The following RP1L1 variants were observed in gnomAD, a reference collection of about 807,000 sequenced individuals.
The protein encoded by RP1L1 is RP1 like 1, also known as retinitis pigmentosa 1-like 1 protein.
In RP1L1, 27 loss-of-function variants were observed where a neutral mutation model predicts 15.7. The observed-to-expected ratio is 1.72, with a 90% CI of 1.27 to 2.38. The LOEUF is 2.38. Among genes scored for constraint, RP1L1 ranks in the 30% most tolerant of loss-of-function variants. The pLI is 0.00. For missense variants in RP1L1, 4,798 were observed against 3,075.9 expected (o/e 1.56, Z -13.24); for synonymous variants, 1,813 against 1,276.7 (o/e 1.42, Z -8.96).
In RP1L1 at chr8:10,612,439, C is replaced by T. The variant is rs765243808; in HGVS notation, c.1659G>A (p.Gln553=). The T allele has an allele frequency of 6.2e-7, 1 of 1,612,704 alleles. No homozygotes were observed. Among genetic ancestry groups the T allele is most frequent in the Admixed American group, 1.7e-5 (1 of 60,032 alleles). Residue 553 remains glutamine, a synonymous_variant, in exon 4 of 4, where the codon CAG becomes CAA. Transcript: ENST00000382483. ...EGSSEWGGRP[Q]GCPGKARAET... The stretch of plus-strand genomic sequence containing the variant: ...CGGCCCTTGCCTTGCCTGGACAGCC[C>T]TGGGGCCGCCCACCCCATTCGCTGG...
Position 10,617,556 on chromosome 8 carries a change from T to C in RP1L1, c.610-969A>G, listed in dbSNP as rs1345679016. 2.3e-3 allele frequency among the ~76,000 whole-genome samples: 272 copies of C among 119,282 alleles called. 3 individuals carry two copies. The highest frequency in any genetic ancestry group is 8.3e-3 in the African/African-American group (249 of 29,924). 78.3% of individuals were successfully genotyped at this position (119,282 alleles called of 152,430 possible). Reference sequence around the variant, plus strand: ...TTTCTGTTTCTTTTTCTTTTTTTTTTTTTTTTTTTTTTTTTTTTGAGACGG... The same window carrying C: ...TTTCTGTTTCTTTTTCTTTTTTTTTCTTTTTTTTTTTTTTTTTTGAGACGG... On this transcript the variant is annotated intron_variant, in intron 2 of 3. Coordinates refer to ENST00000382483, the MANE Select transcript of RP1L1 (RefSeq NM_178857.6).
At position 10,608,067 on chromosome 8, in the gene RP1L1, C is replaced by T. The variant is rs771549717; in HGVS notation, c.6031G>A (p.Glu2011Lys). 6.2e-7 allele frequency: 1 copy of T among 1,603,244 alleles called. No homozygotes were observed. The highest frequency in any genetic ancestry group is 1.4e-5 in the African/African-American group (1 of 72,526). Residue 2011 changes from glutamate (E) to lysine (K), a missense_variant, in exon 4 of 4, where the codon GAG becomes AAG. Coordinates refer to ENST00000382483, the MANE Select transcript of RP1L1 (RefSeq NM_178857.6). Reference sequence around the variant, plus strand: ...TCTGGCTGGGCCTCCTCTTCTGCCTCTTGCATCTCCCCTTCAGCCTCTGGG... The same window carrying T: ...TCTGGCTGGGCCTCCTCTTCTGCCTTTTGCATCTCCCCTTCAGCCTCTGGG... ...EAPEAEGEMQ[E>K]AEEEAQPESD...
At position 10,621,589 on chromosome 8, in the gene RP1L1, G is replaced by C. The variant is rs193041818; in HGVS notation, c.609+1004C>G. 1.2e-3 allele frequency: 511 copies of C among 409,890 alleles called. 11 individuals are homozygous for C. In the East Asian group the frequency reaches 0.03, roughly 24 times the overall value. 25.4% of individuals were successfully genotyped at this position (409,890 alleles called of 1,614,324 possible). A position where few individuals can be genotyped will look rare whatever the true frequency, so the allele number is the denominator to read the frequency against. ...GATCCGCCTGCCTCAGCCTCCCAAA[G>C]TGCTGGGATTACAGGCGTGCGCCAC... is the stretch of plus-strand genomic sequence containing the variant. On this transcript the variant is annotated intron_variant, in intron 2 of 3. Coordinates refer to ENST00000382483, the MANE Select transcript of RP1L1 (RefSeq NM_178857.6).
At position 10,612,061 on chromosome 8, in the gene RP1L1, G is replaced by C. The variant is rs760621847; in HGVS notation, c.2037C>G (p.Asp679Glu). The change falls in exon 4 of 4, where the codon GAC becomes GAG. Residue 679 changes from aspartate to glutamate, a missense_variant. Asp to Glu is a conservative substitution (Grantham distance 45). Coordinates refer to ENST00000382483, the MANE Select transcript of RP1L1 (RefSeq NM_178857.6). ...TCGGCACTTGCTTGGTTACAGAGGA[G>C]TCCAGTGGGCTGTGGGTGTCCTTGC... The part of the protein sequence containing the change: ...HYRKDTHSPL[D>E]SSVTKQVPRP... 1.4e-5 allele frequency: 22 copies of C among 1,613,772 alleles called. No homozygotes were observed. The highest frequency in any genetic ancestry group is 1.7e-5 in the Admixed American group (1 of 60,010).
intron 1 of RP1L1, among the ~76,000 whole-genome samples, chr8:10,645,534 T>C (rs916008994): frequency 4.6e-5 from 7 of 152,272 alleles, no homozygotes; most frequent in South Asian, 2.1e-4. Flanking sequence ...TATCACTTTG[T>C]ACAGCAGAGT....
chr8:10,644,770 C>T (rs1798452630), intron 1 of RP1L1, among the ~76,000 whole-genome samples: 1 of 152,342 alleles, frequency 6.6e-6, no homozygotes, highest in South Asian at 2.1e-4. Context: ...GCTCGCCCTG[C>T]AGAGAGGCCT....
At position 10,608,975 on chromosome 8, in the gene RP1L1, A is replaced by G. The variant is rs780204914; in HGVS notation, c.5123T>C (p.Val1708Ala). 6.2e-7 allele frequency: 1 copy of G among 1,612,820 alleles called. No individual in the cohort carries two copies. The highest frequency in any genetic ancestry group is 1.7e-5 in the Admixed American group (1 of 59,968). The change falls in exon 4 of 4, where the codon GTG becomes GCG. Residue 1708 changes from valine (V) to alanine (A), a missense_variant. Physicochemically the swap from Val to Ala is moderately conservative, Grantham distance 64. Coordinates refer to ENST00000382483, the MANE Select transcript of RP1L1 (RefSeq NM_178857.6). ...GTCCGTGTGGGTCTTGCCAGGGGCC[A>G]CCTCTGCTGCCTCCCCATCAGTGTG... ...GEHTDGEAAEVAPGKTHTDPT... is the reference protein window; with the variant it reads ...GEHTDGEAAEAAPGKTHTDPT...
chr8:10,618,776 C>G (rs1433504331), intron 2 of RP1L1, among the ~76,000 whole-genome samples: 7 of 152,196 alleles, frequency 4.6e-5, no homozygotes, highest in African/African-American at 9.7e-5. Context: ...ATGCCCCATA[C>G]CAGCTGTTTC....
In RP1L1 at chr8:10,612,944, C is replaced by T. The variant is rs776738391; in HGVS notation, c.1154G>A (p.Arg385Gln). Residue 385 changes from arginine (R) to glutamine (Q), a missense_variant, in exon 4 of 4, where the codon CGG (arginine) becomes CAG (glutamine). Arg to Gln is a conservative substitution (Grantham distance 43, BLOSUM62 1). Transcript: ENST00000382483. The part of the protein sequence containing the change: ...GFSEPGVWGP[R>Q]PCRVGCREVF... ...TTCCCTGCATCCCACCCTGCAGGGCCGGGGTCCCCACACCCCAGGCTCTGA... is the reference window on the plus strand; with the variant it reads ...TTCCCTGCATCCCACCCTGCAGGGCTGGGGTCCCCACACCCCAGGCTCTGA... 4.8e-5 allele frequency: 77 copies of T among 1,612,940 alleles called. No homozygotes were observed. The highest frequency in any genetic ancestry group is 7.7e-5 in the South Asian group (7 of 91,082).
At chr8:10,617,066 C>T (rs1585974503) in intron 2 of RP1L1, among the ~76,000 whole-genome samples, 1 of 152,056 alleles carries the variant, frequency 6.6e-6, no homozygotes, top group African/African-American at 2.4e-5. Flanking sequence ...TGCCTCTGCC[C>T]AAGTGGAGGG....
Position 10,610,645 on chromosome 8 carries a change from G to T in RP1L1, c.3453C>A (p.Leu1151=). 1 of 1,612,326 alleles carries T rather than the reference G, an allele frequency of 6.2e-7. No homozygotes were observed. The highest frequency in any genetic ancestry group is 1.3e-5 in the African/African-American group (1 of 74,998). ...FKDSPRYQEL[L]SISKDLWPGC... is the part of the protein sequence containing the mutation. ...CTGGCCACAGGTCCTTCGAGATGCT[G>T]AGCAGCTCCTGGTACCGAGGGGAGT... The change falls in exon 4 of 4, where the codon CTC becomes CTA. Residue 1151 remains leucine (L), a synonymous_variant. Transcript: ENST00000382483.
At chr8:10,638,550 C>T (rs969447491) in intron 1 of RP1L1, among the ~76,000 whole-genome samples, 15 of 151,898 alleles carry the variant, frequency 9.9e-5, no homozygotes, top group South Asian at 2.1e-4. Flanking sequence ...TCAAATGTAG[C>T]CTGGGCAACA....
intron 1 of RP1L1, among the ~76,000 whole-genome samples, chr8:10,641,989 G>A (rs1798413840): frequency 6.6e-6 from 1 of 152,154 alleles, no homozygotes; most frequent in African/African-American, 2.4e-5. Context: ...AGGCACCCCT[G>A]TGATGATGGA....
intron 1 of RP1L1, among the ~76,000 whole-genome samples, chr8:10,635,996 G>A (rs1003965508): frequency 5.9e-5 from 9 of 152,230 alleles, no homozygotes; most frequent in African/African-American, 1.7e-4. Flanking sequence ...GTGGGGACGC[G>A]AGTCTGGCTC....
chr8:10,609,776 G>A lies in RP1L1; in HGVS notation c.4322C>T (p.Pro1441Leu), dbSNP rs767953685. Residue 1441 changes from proline to leucine, a missense_variant, in exon 4 of 4, where the codon CCG becomes CTG. Pro to Leu is a moderately conservative substitution (Grantham distance 98). Coordinates refer to ENST00000382483, the MANE Select transcript of RP1L1 (RefSeq NM_178857.6). ...EAGRASASAE[P>L]CPAEGTEEPT... ...TTCCTCTGTGCCCTCTGCGGGGCAC[G>A]GCTCTGCAGAGGCAGAGGCTCTTCC... The A allele has an allele frequency of 5.6e-6, 9 of 1,613,490 alleles. No individual in the cohort carries two copies. The highest frequency in any genetic ancestry group is 1.7e-5 in the Admixed American group (1 of 60,000).
Position 10,608,688 on chromosome 8 carries a change from C to T in RP1L1, c.5410G>A (p.Gly1804Arg), listed in dbSNP as rs1797762561. 3 of 1,614,222 alleles carry T rather than the reference C, an allele frequency of 1.9e-6. No individual in the cohort carries two copies. The highest frequency in any genetic ancestry group is 1.7e-5 in the Admixed American group (1 of 60,030). ...GEGISERGET[G>R]GQGSGHEDNL... is the part of the protein sequence containing the mutation. The stretch of plus-strand genomic sequence containing the variant: ...TCCTCATGCCCAGAGCCTTGACCCC[C>T]AGTTTCTCCCCTTTCACTTATGCCC... Residue 1804 changes from glycine to arginine, a missense_variant, in exon 4 of 4, where the codon GGG (glycine) becomes AGG (arginine). Coordinates refer to ENST00000382483, the MANE Select transcript of RP1L1 (RefSeq NM_178857.6).
intron 3 of RP1L1, among the ~76,000 whole-genome samples, chr8:10,614,443 T>C (rs1797931382): frequency 6.6e-6 from 1 of 151,962 alleles, no homozygotes; most frequent in Non-Finnish European, 1.5e-5. Flanking sequence ...GCGGATCACC[T>C]GAGGTCAGGA....
intron 1 of RP1L1, among the ~76,000 whole-genome samples, chr8:10,639,555 T>G (rs1231675570): frequency 1.3e-5 from 2 of 152,102 alleles, no homozygotes; most frequent in Non-Finnish European, 1.5e-5. Flanking sequence ...GAACTTTTTG[T>G]AGATATGGGG....
At chr8:10,615,144 T>G (rs1797944686) in intron 3 of RP1L1, among the ~76,000 whole-genome samples, 1 of 152,156 alleles carries the variant, frequency 6.6e-6, no homozygotes, top group African/African-American at 2.4e-5. Context: ...CTCCAGTGCC[T>G]GACCCACAGT....
Sources: gnomAD v4.1 joint callset for allele counts (sites outside exome capture counted in the v4.1 genomes callset) on GRCh38, gnomAD v4.1.1 for gene constraint, MANE v1.5 for transcripts, NCBI Gene and HGNC (gene_info 2026-07-23, HGNC 2026-07-21) for gene names.